Variants in ENOX1 observed in about 807,000 individuals in gnomAD.
ENOX1 encodes ecto-NOX disulfide-thiol exchanger 1.
A neutral mutation model predicts 82.5 loss-of-function variants in ENOX1; 42 were observed. The ratio of observed to expected loss-of-function variants is 0.51; its 90% CI spans 0.40 to 0.66. The LOEUF (loss-of-function observed/expected upper bound fraction) is 0.66, where lower values mean the gene tolerates loss of function less well. Among genes scored for constraint, ENOX1 ranks in the 30% least tolerant of loss-of-function variants. ENOX1 has a pLI of 0.00. For missense variants in ENOX1, 608 were observed against 811.6 expected, an observed-to-expected ratio of 0.75 and a Z score of 3.05; for synonymous variants, 271 against 282.2, an observed-to-expected ratio of 0.96 and a Z score of 0.40.
At chr13:43,335,172 C>T (rs900181555) in intron 9 of ENOX1, among the ~76,000 whole-genome samples, 1 of 152,202 alleles carries the variant, frequency 6.6e-6, no homozygotes, top group African/African-American at 2.4e-5. Context: ...ATCTACCTTG[C>T]TATAGAAGGT....
chr13:43,598,472 C>T (rs934203488), intron 2 of ENOX1, among the ~76,000 whole-genome samples: 5 of 152,144 alleles, frequency 3.3e-5, no homozygotes, highest in Middle Eastern at 3.2e-3. Context: ...TAAGCATGTT[C>T]TGTGGTTTAG....
At chr13:43,534,192 T>C (rs907349263) in intron 2 of ENOX1, among the ~76,000 whole-genome samples, 1 of 152,098 alleles carries the variant, frequency 6.6e-6, no homozygotes, top group African/African-American at 2.4e-5. Flanking sequence ...CAAGAAAACA[T>C]AGTGGAGTAA....
At chr13:43,759,537 C>T (rs1425729019) in intron 1 of ENOX1, among the ~76,000 whole-genome samples, 1 of 152,180 alleles carries the variant, frequency 6.6e-6, no homozygotes, top group Non-Finnish European at 1.5e-5. Context: ...TCCACAATAT[C>T]TGATAAAGTT....
intron 1 of ENOX1, among the ~76,000 whole-genome samples, chr13:43,779,443 G>A (rs970010579): frequency 1.4e-4 from 21 of 152,130 alleles, no homozygotes; most frequent in African/African-American, 5.1e-4. Context: ...CATTAACTGT[G>A]CTGCACTACT....
chr13:43,414,577 G>A (rs1401369366), intron 3 of ENOX1, among the ~76,000 whole-genome samples: 1 of 152,158 alleles, frequency 6.6e-6, no homozygotes, highest in Non-Finnish European at 1.5e-5. Flanking sequence ...ATTCACCAAC[G>A]ATCTTTCTAC....
intron 11 of ENOX1, among the ~76,000 whole-genome samples, chr13:43,310,651 T>A (rs2047149311): frequency 2.6e-5 from 4 of 152,194 alleles, no homozygotes. Context: ...AAGTCCATTT[T>A]AAATTTTATT....
At chr13:43,419,352 C>T (rs954768241) in intron 3 of ENOX1, among the ~76,000 whole-genome samples, 18 of 151,960 alleles carry the variant, frequency 1.2e-4, no homozygotes, top group Admixed American at 1.2e-3. Flanking sequence ...TGAGACCAGG[C>T]TGGGCAACAT....
At chr13:43,399,679 C>G (rs539040735) in intron 5 of ENOX1, among the ~76,000 whole-genome samples, 3 of 152,320 alleles carry the variant, frequency 2.0e-5, no homozygotes, top group Middle Eastern at 6.8e-3. Flanking sequence ...GAGAAGTTAA[C>G]TAACTTGCCC....
At chr13:43,661,429 T>A (rs537344909) in intron 2 of ENOX1, among the ~76,000 whole-genome samples, 2 of 152,306 alleles carry the variant, frequency 1.3e-5, no homozygotes, top group East Asian at 3.9e-4. Context: ...TGAACACAGA[T>A]GCTTTCAAAC....
At chr13:43,401,770 T>A (rs1242973930) in intron 5 of ENOX1, among the ~76,000 whole-genome samples, 2 of 152,080 alleles carry the variant, frequency 1.3e-5, no homozygotes, top group Non-Finnish European at 2.9e-5. Context: ...CCCAGAAGTG[T>A]TTTGCCTCAG....
intron 2 of ENOX1, among the ~76,000 whole-genome samples, chr13:43,526,611 C>T (rs61959542): frequency 0.22 from 32,809 of 152,042 alleles, 3,911 homozygotes; most frequent in Middle Eastern, 0.3. Flanking sequence ...TGAATTAATG[C>T]TACTATATAA....
intron 11 of ENOX1, among the ~76,000 whole-genome samples, chr13:43,307,331 ATC>A (rs2046925847): frequency 6.6e-6 from 1 of 152,194 alleles, no homozygotes; most frequent in Admixed American, 6.5e-5. Flanking sequence ...CCACTTTGGT[ATC>A]TCTTAAATGA....
intron 3 of ENOX1, among the ~76,000 whole-genome samples, chr13:43,430,868 C>G (rs1255203180): frequency 5.3e-5 from 8 of 152,176 alleles, no homozygotes; most frequent in Admixed American, 3.9e-4. Context: ...GATGCCAAGG[C>G]AACTCAAAGG....
rs527334900 is a variant in ENOX1, at chr13:43,746,939, G to A, written c.-285+39713C>T. Among the ~76,000 whole-genome samples, 14 of 152,294 alleles carry A rather than the reference G, an allele frequency of 9.2e-5. No individual in the cohort carries two copies. The South Asian group carries it at 2.7e-3, about 29-fold the overall frequency. On this transcript the variant is annotated intron_variant, in intron 1 of 16. Coordinates refer to ENST00000690772, the MANE Select transcript of ENOX1 (RefSeq NM_001347969.2). ...TTAACCAGTTCAGCAAACTTCACTTGAAAATCACCATTGTTCATGCTAGTC... is the reference window on the plus strand; with the variant it reads ...TTAACCAGTTCAGCAAACTTCACTTAAAAATCACCATTGTTCATGCTAGTC...
intron 3 of ENOX1, among the ~76,000 whole-genome samples, chr13:43,437,630 G>A (rs17635556): frequency 0.21 from 32,438 of 152,154 alleles, 3,803 homozygotes; most frequent in Middle Eastern, 0.32. Context: ...GATATAGAAG[G>A]TGAACTAGAT....
intron 1 of ENOX1, among the ~76,000 whole-genome samples, chr13:43,731,518 C>G (rs1235482917): frequency 2.1e-5 from 2 of 97,380 alleles, no homozygotes; most frequent in African/African-American, 3.6e-5. Flanking sequence ...TGGTCCCAGT[C>G]CTGTTTTTGT....
intron 3 of ENOX1, among the ~76,000 whole-genome samples, chr13:43,430,340 T>G (rs1423441089): frequency 6.6e-6 from 1 of 152,196 alleles, no homozygotes; most frequent in Admixed American, 6.5e-5. Context: ...AATACCAAGA[T>G]GTAGAGGTTA....
chr13:43,616,204 A>ATATATATATTTTTT (rs1457149422), intron 2 of ENOX1, among the ~76,000 whole-genome samples: 1 of 15,300 alleles, frequency 6.5e-5, no homozygotes, highest in African/African-American at 1.1e-4. Flanking sequence ...ATATATATAT[A>ATATATATATTTTTT]TTTTTTTTTT....
intron 3 of ENOX1, among the ~76,000 whole-genome samples, chr13:43,418,466 T>C (rs1359517557): frequency 6.6e-6 from 1 of 151,764 alleles, no homozygotes; most frequent in East Asian, 1.9e-4. Flanking sequence ...AGGCAGAGGT[T>C]GCAGTGAGCT....
Sources: allele counts gnomAD v4.1 joint callset (sites outside exome capture counted in the v4.1 genomes callset), GRCh38; gene constraint gnomAD v4.1.1; transcripts MANE v1.5; gene names NCBI Gene and HGNC (gene_info 2026-07-23, HGNC 2026-07-21).